DNM1L: variants seen among roughly 807,000 people sequenced by gnomAD.
DNM1L encodes dynamin 1L, also known as dynamin-1-like protein.
A neutral mutation model predicts 92.8 loss-of-function variants in DNM1L; 33 were observed. The observed-to-expected ratio is 0.36, with a 90% confidence interval of 0.27 to 0.48. The LOEUF is 0.48. Among genes scored for constraint, DNM1L ranks in the 20% least tolerant of loss-of-function variants. The probability of loss-of-function intolerance (pLI) is 0.99; values close to 1 mark genes in which losing one functional copy is unlikely to be tolerated. For missense variants in DNM1L, 485 were observed against 888.8 expected (o/e 0.55, Z 5.78); for synonymous variants, 284 against 305.0 (o/e 0.93, Z 0.72).
intron 2 of DNM1L, 104 bp downstream of exon 2, chr12:32,701,666 T>G: frequency 9.6e-7 from 1 of 1,046,700 alleles, no homozygotes; most frequent in East Asian, 2.5e-5. Context: ...GACTGTAGCA[T>G]AGTTAGAAGT....
rs1953859266 is a variant in DNM1L at position 32,722,644 on chromosome 12, A to T, written c.1079+11A>T. On this transcript the variant is annotated intron_variant, in intron 9 of 19. Transcript: ENST00000549701. ...TGAAACTTCGGAGCTGTAAGTAAGAAATTTTTCTGTAGATTTGGTTACCTA... is the reference window on the plus strand; with the variant it reads ...TGAAACTTCGGAGCTGTAAGTAAGATATTTTTCTGTAGATTTGGTTACCTA... The T allele has an allele frequency of 6.2e-7, 1 of 1,604,984 alleles. No individual in the cohort carries two copies. The highest frequency in any genetic ancestry group is 1.7e-5 in the Admixed American group (1 of 59,966).
rs1276970269 is a variant in DNM1L, at chr12:32,717,486, A to ATATATAGTATATAG, written c.620-1144_620-1143insGTATATAGTATATA. On this transcript the variant is annotated intron_variant, in intron 6 of 19. Transcript: ENST00000549701. Reference sequence around the variant, plus strand: ...TAAATATATAGTATATATATTATATATATATAGTATATATATATATTTTAG... The same window carrying ATATATAGTATATAG: ...TAAATATATAGTATATATATTATATATATATAGTATATAGTATATAGTATATATATATATTTTAG... 9.0e-4 allele frequency among the ~76,000 whole-genome samples: 95 copies of ATATATAGTATATAG among 106,006 alleles called. 3 individuals are homozygous for ATATATAGTATATAG. Among genetic ancestry groups the ATATATAGTATATAG allele is most frequent in the South Asian group, 4.8e-4 (2 of 4,164 alleles). 69.5% of individuals were successfully genotyped at this position (106,006 alleles called of 152,430 possible).
chr12:32,693,201 A>G (rs1952298042), intron 1 of DNM1L, among the ~76,000 whole-genome samples: 1 of 152,096 alleles, frequency 6.6e-6, no homozygotes, highest in South Asian at 2.1e-4. Flanking sequence ...AATTTATGGT[A>G]CCTCATTGTG....
At chr12:32,708,326 A>G (rs1357523198) in intron 4 of DNM1L, 102 bp downstream of exon 4, 2 of 764,882 alleles carry the variant, frequency 2.6e-6, no homozygotes, top group Non-Finnish European at 4.4e-6. Flanking sequence ...CCTACTCTTG[A>G]TCTTAGCCAA....
intron 13 of DNM1L, among the ~76,000 whole-genome samples, chr12:32,735,808 C>T (rs1044498348): frequency 5.9e-5 from 9 of 151,866 alleles, no homozygotes; most frequent in African/African-American, 1.2e-4. Context: ...ATCCAGGAGG[C>T]GGAGGTTGCA....
intron 2 of DNM1L, among the ~76,000 whole-genome samples, chr12:32,703,057 CTTT>C (rs781211967): frequency 2.9e-5 from 4 of 139,842 alleles, no homozygotes; most frequent in Admixed American, 7.6e-5. Flanking sequence ...CTCTCTCTCT[CTTT>C]TTTTTTTTTT....
chr12:32,720,023 T>C (rs1185607145), intron 7 of DNM1L, among the ~76,000 whole-genome samples: 2 of 152,228 alleles, frequency 1.3e-5, no homozygotes, highest in Non-Finnish European at 2.9e-5. Flanking sequence ...TGACACCTAA[T>C]GTCTTTGGGT....
At chr12:32,698,701 ATAAG>A (rs1407836703) in intron 1 of DNM1L, among the ~76,000 whole-genome samples, 1 of 147,798 alleles carries the variant, frequency 6.8e-6, no homozygotes, top group African/African-American at 2.5e-5. Context: ...GTATAGAAAA[ATAAG>A]TTTATTGCAA....
intron 1 of DNM1L, among the ~76,000 whole-genome samples, chr12:32,690,598 T>A (rs565008135): frequency 1.3e-5 from 2 of 152,382 alleles, no homozygotes; most frequent in Admixed American, 1.3e-4. Context: ...TCATCCCTGT[T>A]ACTTGTTACC....
intron 9 of DNM1L, chr12:32,726,445 C>T (rs1954146187): frequency 2.2e-6 from 3 of 1,369,176 alleles, no homozygotes; most frequent in East Asian, 2.3e-5. Context: ...TCATTTTCCT[C>T]ATCTCCTTTG....
intron 1 of DNM1L, among the ~76,000 whole-genome samples, chr12:32,685,746 G>A (rs1425386674): frequency 6.6e-6 from 1 of 150,860 alleles, no homozygotes; most frequent in Non-Finnish European, 1.5e-5. Flanking sequence ...TTTTTTTTAA[G>A]CGCTAAATCA....
Position 32,679,346 on chromosome 12 carries a change from C to T in DNM1L, c.-18C>T, listed in dbSNP as rs773648742. 2.3e-5 allele frequency: 36 copies of T among 1,596,938 alleles called. No individual in the cohort carries two copies. The Admixed American group carries it at 2.5e-4, about 11-fold the overall frequency. On this transcript the variant is annotated 5_prime_UTR_variant, in exon 1 of 20. Coordinates refer to ENST00000549701, the MANE Select transcript of DNM1L (RefSeq NM_012062.5). ...TTGCCGTGGCCGGCGGGCACTGGGG[C>T]CCCGTGTTTTCAGAGTCATGGAGGC...
chr12:32,701,572 A>G lies in DNM1L; in HGVS notation c.250+10A>G. On this transcript the variant is annotated intron_variant, in intron 2 of 19. Coordinates refer to ENST00000549701, the MANE Select transcript of DNM1L (RefSeq NM_012062.5). The stretch of plus-strand genomic sequence containing the variant: ...ACAGGAGAAGAAAATGGTAAATTTC[A>G]GATTTGAGATAATTATTTTACAGCT... 6.2e-7 allele frequency: 1 copy of G among 1,606,476 alleles called. No homozygotes were observed. Among genetic ancestry groups the G allele is most frequent in the African/African-American group, 1.3e-5 (1 of 74,838 alleles).
Position 32,744,551 on chromosome 12 carries a change from T to C in DNM1L, c.*1141T>C, listed in dbSNP as rs1955521456. On this transcript the variant is annotated 3_prime_UTR_variant, in exon 20 of 20. Coordinates refer to ENST00000549701, the MANE Select transcript of DNM1L (RefSeq NM_012062.5). Reference sequence around the variant, plus strand: ...CAACATGGAGAAACCCCGTCTCTACTAAAAATACAAAATTGGCCGGGCGTG... The same window carrying C: ...CAACATGGAGAAACCCCGTCTCTACCAAAAATACAAAATTGGCCGGGCGTG... The C allele has an allele frequency of 4.9e-6, 1 of 204,214 alleles. No homozygotes were observed. Among genetic ancestry groups the C allele is most frequent in the Non-Finnish European group, 9.8e-6 (1 of 102,094 alleles). 12.7% of individuals were successfully genotyped at this position (204,214 alleles called of 1,614,324 possible). A position where few individuals can be genotyped will look rare whatever the true frequency, so the allele number is the denominator to read the frequency against.
At chr12:32,704,186 GAA>G (rs1018548264) in intron 2 of DNM1L, among the ~76,000 whole-genome samples, 1 of 151,420 alleles carries the variant, frequency 6.6e-6, no homozygotes, top group African/African-American at 2.4e-5. Context: ...AAAAAAATGT[GAA>G]AAAAAAATTT....
At chr12:32,679,912 T>C in intron 1 of DNM1L, 1 of 986,792 alleles carries the variant, frequency 1.0e-6, no homozygotes, top group African/African-American at 1.7e-5. Flanking sequence ...ACGGGTGTTT[T>C]ATTTCCCTCC....
chr12:32,727,295 A>G, intron 9 of DNM1L: 1 of 1,085,062 alleles, frequency 9.2e-7, no homozygotes, highest in Non-Finnish European at 1.4e-6. Context: ...CTATCTGTGC[A>G]CCTTTAACTT....
At chr12:32,740,030 T>C in intron 16 of DNM1L, 34 bp from the exon 17 acceptor site, 1 of 1,614,030 alleles carries the variant, frequency 6.2e-7, no homozygotes, top group Middle Eastern at 1.6e-4. Context: ...TCAGATATGA[T>C]GTGGTTGGTA....
chr12:32,687,051 C>CATT (rs1162168724), intron 1 of DNM1L, among the ~76,000 whole-genome samples: 1 of 148,758 alleles, frequency 6.7e-6, no homozygotes, highest in African/African-American at 2.5e-5. Context: ...AAAGTGCTGG[C>CATT]ATTATAGGCA....
Sources: gnomAD v4.1 joint callset for allele counts (sites outside exome capture counted in the v4.1 genomes callset) on GRCh38, gnomAD v4.1.1 for gene constraint, MANE v1.5 for transcripts, NCBI Gene and HGNC (gene_info 2026-07-23, HGNC 2026-07-21) for gene names.